Variants in TPTE2 observed in about 807,000 individuals in gnomAD.
The protein encoded by TPTE2 is phosphatidylinositol 3,4,5-trisphosphate 3-phosphatase TPTE2.
Under a neutral mutation model 78.6 loss-of-function variants are expected in TPTE2, and 53 were observed. The ratio of observed to expected loss-of-function variants is 0.67; its 90% CI spans 0.54 to 0.85. TPTE2 has a LOEUF of 0.85. Ranked by LOEUF, TPTE2 falls within the 40% of genes least tolerant of loss-of-function variation. The probability of loss-of-function intolerance (pLI) is 0.00; values close to 1 mark genes in which losing one functional copy is unlikely to be tolerated. For missense variants in TPTE2, 461 were observed against 623.0 expected, an observed-to-expected ratio of 0.74 and a Z score of 2.77; for synonymous variants, 175 against 206.2, an observed-to-expected ratio of 0.85 and a Z score of 1.30.
At chr13:19,441,795 G>A (rs1357492679) in intron 13 of TPTE2, among the ~76,000 whole-genome samples, 1 of 152,140 alleles carries the variant, frequency 6.6e-6, no homozygotes, top group African/African-American at 2.4e-5. Context: ...GTATACTGCA[G>A]AGCCTAACCA....
intron 1 of TPTE2, among the ~76,000 whole-genome samples, chr13:19,494,452 G>A (rs895258582): frequency 6.6e-6 from 1 of 151,910 alleles, no homozygotes; most frequent in African/African-American, 2.4e-5. Flanking sequence ...CTGCTGCCCA[G>A]GGTGGAATGC....
At chr13:19,429,084 T>C (rs1183649902) in intron 17 of TPTE2, among the ~76,000 whole-genome samples, 1 of 152,226 alleles carries the variant, frequency 6.6e-6, no homozygotes, top group South Asian at 2.1e-4. Context: ...ATTTTACAGA[T>C]AAAGATGTTG....
At chr13:19,448,233 G>C (rs1430317225) in intron 13 of TPTE2, among the ~76,000 whole-genome samples, 2 of 152,196 alleles carry the variant, frequency 1.3e-5, no homozygotes, top group Non-Finnish European at 1.5e-5. Context: ...TAGAAGAAAA[G>C]ATAGGTGAAA....
At chr13:19,446,476 C>A (rs888802515) in intron 13 of TPTE2, among the ~76,000 whole-genome samples, 1 of 152,070 alleles carries the variant, frequency 6.6e-6, no homozygotes, top group Non-Finnish European at 1.5e-5. Context: ...TACTTCCCCC[C>A]CAACTTCCAA....
the TPTE2 span, among the ~76,000 whole-genome samples, chr13:19,551,605 T>C: frequency 6.7e-6 from 1 of 150,228 alleles, no homozygotes; most frequent in Non-Finnish European, 1.5e-5. Flanking sequence ...AAACAAAATA[T>C]GAATATACAA....
chr13:19,448,021 A>T (rs941323863), intron 13 of TPTE2, among the ~76,000 whole-genome samples: 4 of 152,184 alleles, frequency 2.6e-5, no homozygotes, highest in Admixed American at 6.5e-5. Context: ...GCCCAGAAAA[A>T]ATCCATGCAT....
At chr13:19,515,382 G>A (rs7335488) in intron 1 of TPTE2, among the ~76,000 whole-genome samples, 3,742 of 152,258 alleles carry the variant, frequency 0.025, 64 homozygotes, top group Middle Eastern at 0.051. Context: ...ATCTTTTTAT[G>A]TCTTTAAGAA....
intron 4 of TPTE2, among the ~76,000 whole-genome samples, chr13:19,478,803 A>T (rs9508145): frequency 2.6e-5 from 4 of 151,802 alleles, no homozygotes; most frequent in Admixed American, 2.6e-4. Context: ...AATGTGGCAC[A>T]TATACACCAT....
intron 1 of TPTE2, among the ~76,000 whole-genome samples, chr13:19,500,081 T>C (rs1028410945): frequency 7.3e-5 from 11 of 151,220 alleles, no homozygotes; most frequent in Non-Finnish European, 1.0e-4. Context: ...ACACATACAC[T>C]CTCCCAAGAC....
At chr13:19,488,683 T>C (rs544259072) in intron 3 of TPTE2, among the ~76,000 whole-genome samples, 1 of 152,346 alleles carries the variant, frequency 6.6e-6, no homozygotes, top group African/African-American at 2.4e-5. Flanking sequence ...TGGATTAGGC[T>C]TTGGCTTAAG....
intron 10 of TPTE2, among the ~76,000 whole-genome samples, chr13:19,452,986 A>ATTTTATTTTATTTTAT (rs1555249725): frequency 5.0e-5 from 1 of 19,926 alleles, no homozygotes; most frequent in African/African-American, 7.4e-5. Context: ...ATTTTATTTT[A>ATTTTATTTTATTTTAT]TTTATTTTAT....
intron 1 of TPTE2, among the ~76,000 whole-genome samples, chr13:19,514,592 A>AGAGTGTGTGTGTGTGTGTGT (rs542178212): frequency 9.5e-5 from 12 of 126,820 alleles, no homozygotes; most frequent in East Asian, 2.7e-4. Flanking sequence ...TACTTCTGAG[A>AGAGTGTGTGTGTGTGTGTGT]GTGTGTGTGT....
At chr13:19,512,252 G>GA (rs1292363440) in intron 1 of TPTE2, among the ~76,000 whole-genome samples, 16 of 152,186 alleles carry the variant, frequency 1.1e-4, no homozygotes, top group African/African-American at 3.9e-4. Flanking sequence ...GGTTGTCTCT[G>GA]AAAAGAGTCT....
chr13:19,482,829 A>G (rs1027161259), intron 3 of TPTE2, among the ~76,000 whole-genome samples: 2 of 150,768 alleles, frequency 1.3e-5, no homozygotes, highest in African/African-American at 4.9e-5. Context: ...ATATAAAAGA[A>G]TATGTATACA....
intron 6 of TPTE2, among the ~76,000 whole-genome samples, chr13:19,472,975 G>C (rs1879718601): frequency 6.6e-6 from 1 of 152,186 alleles, no homozygotes; most frequent in South Asian, 2.1e-4. Context: ...TGCCTTAATG[G>C]TCTTGGACAA....
intron 16 of TPTE2, among the ~76,000 whole-genome samples, chr13:19,431,077 A>G (rs55995028): frequency 0.011 from 1,633 of 150,350 alleles, 28 homozygotes; most frequent in African/African-American, 0.037. Flanking sequence ...CAGTGAGCTG[A>G]GATCACACCA....
At chr13:19,506,160 C>CTTTTGTTTTTTTTTTT (rs1869008121), upstream of TPTE2, among the ~76,000 whole-genome samples, 1 of 32,850 alleles carries the variant, frequency 3.0e-5, no homozygotes, top group Non-Finnish European at 5.1e-5. Context: ...GTATATAAAT[C>CTTTTGTTTTTTTTTTT]TTTTTTTTTT....
chr13:19,432,518 T>C (rs763085342), exon 16 of TPTE2: 2 of 1,608,130 alleles, frequency 1.2e-6, no homozygotes, highest in African/African-American at 1.3e-5. Context: ...AGTATCCGTC[T>C]TGGAGGGAGA....
chr13:19,472,363 T>G (rs1255064184), intron 6 of TPTE2, among the ~76,000 whole-genome samples: 1 of 152,180 alleles, frequency 6.6e-6, no homozygotes, highest in African/African-American at 2.4e-5. Context: ...ATTCTTTCCT[T>G]TGTCTCCTCT....
Sources: allele counts gnomAD v4.1 joint callset (sites outside exome capture counted in the v4.1 genomes callset), GRCh38; gene constraint gnomAD v4.1.1; transcripts MANE v1.5; gene names NCBI Gene and HGNC (gene_info 2026-07-23, HGNC 2026-07-21).